Variants in SLIT3 observed in about 807,000 individuals in gnomAD.
SLIT3 encodes slit homolog 3 protein.
In SLIT3, 68 loss-of-function variants were observed where a neutral mutation model predicts 184.0. The observed-to-expected ratio is 0.37, with a 90% CI of 0.30 to 0.45. The LOEUF (loss-of-function observed/expected upper bound fraction) is 0.45. SLIT3 is among the 20% of genes least tolerant of loss of function. SLIT3 has a pLI of 1.00. For synonymous variants in SLIT3, 831 were observed against 828.6 expected (o/e 1.00, Z -0.05); for missense variants, 1,707 against 2,026.0 (o/e 0.84, Z 3.02).
At chr5:168,803,581 G>C (rs1037777337) in intron 9 of SLIT3, among the ~76,000 whole-genome samples, 1 of 152,200 alleles carries the variant, frequency 6.6e-6, no homozygotes, top group African/African-American at 2.4e-5. Flanking sequence ...TGAGAGTATA[G>C]AGATGTGAAG....
At chr5:168,823,953 A>T (rs1757619126) in intron 6 of SLIT3, among the ~76,000 whole-genome samples, 1 of 152,028 alleles carries the variant, frequency 6.6e-6, no homozygotes, top group South Asian at 2.1e-4. Context: ...AGCACATCTA[A>T]TCTTTTTATT....
intron 2 of SLIT3, among the ~76,000 whole-genome samples, chr5:169,250,041 T>C (rs1458845856): frequency 2.0e-5 from 3 of 152,236 alleles, no homozygotes. Context: ...TTTTCTTAGC[T>C]TTCTATAATG....
At chr5:169,272,706 C>G (rs1238263058) in intron 1 of SLIT3, among the ~76,000 whole-genome samples, 1 of 152,182 alleles carries the variant, frequency 6.6e-6, no homozygotes, top group Non-Finnish European at 1.5e-5. Context: ...CAGACTTGAT[C>G]CTGCAGGTCT....
At chr5:168,892,231 A>G (rs1225312403) in intron 4 of SLIT3, among the ~76,000 whole-genome samples, 3 of 152,274 alleles carry the variant, frequency 2.0e-5, no homozygotes, top group African/African-American at 7.2e-5. Flanking sequence ...AGATGTAATC[A>G]ATATAAACAT....
At chr5:169,237,891 C>T (rs569026374) in intron 3 of SLIT3, among the ~76,000 whole-genome samples, 4 of 152,226 alleles carry the variant, frequency 2.6e-5, no homozygotes, top group East Asian at 1.9e-4. Context: ...TGAATCATCT[C>T]GACTTCAATT....
chr5:169,207,909 G>C (rs577313115), intron 3 of SLIT3, among the ~76,000 whole-genome samples: 2 of 152,318 alleles, frequency 1.3e-5, no homozygotes, highest in African/African-American at 4.8e-5. Flanking sequence ...GTCCTCACCA[G>C]ACACCAAGTA....
At chr5:168,828,959 C>T (rs1321894103) in intron 6 of SLIT3, among the ~76,000 whole-genome samples, 3 of 152,126 alleles carry the variant, frequency 2.0e-5, no homozygotes, top group African/African-American at 7.2e-5. Flanking sequence ...GTGGTGTTTC[C>T]CCACTTAGGA....
intron 29 of SLIT3, among the ~76,000 whole-genome samples, chr5:168,687,938 A>G (rs1761796513): frequency 6.6e-6 from 1 of 152,184 alleles, no homozygotes; most frequent in Admixed American, 6.5e-5. Context: ...CCTTCCTAAA[A>G]GAGTGGTGCG....
At chr5:169,254,696 A>G (rs1765890484) in intron 1 of SLIT3, among the ~76,000 whole-genome samples, 1 of 152,118 alleles carries the variant, frequency 6.6e-6, no homozygotes, top group African/African-American at 2.4e-5. Context: ...CCATATGAGA[A>G]AAGCAGATGA....
chr5:168,893,365 C>A (rs900489145), intron 4 of SLIT3, among the ~76,000 whole-genome samples: 4 of 152,154 alleles, frequency 2.6e-5, no homozygotes, highest in Non-Finnish European at 2.9e-5. Context: ...TGGTCCCCAC[C>A]CCCTCTGTCC....
At chr5:168,806,657 C>G in intron 8 of SLIT3, 70 bp from the exon 9 acceptor site, 1 of 1,575,078 alleles carries the variant, frequency 6.3e-7, no homozygotes, top group Non-Finnish European at 8.7e-7. Flanking sequence ...GTGTCCTTAA[C>G]CAGCATCCTA....
intron 4 of SLIT3, among the ~76,000 whole-genome samples, chr5:169,016,757 T>C (rs1383579248): frequency 6.6e-6 from 1 of 152,216 alleles, no homozygotes; most frequent in Admixed American, 6.5e-5. Context: ...ATGGGACAAA[T>C]AATAGTATAG....
intron 4 of SLIT3, among the ~76,000 whole-genome samples, chr5:168,935,940 C>T (rs546975859): frequency 6.6e-6 from 1 of 152,258 alleles, no homozygotes; most frequent in Non-Finnish European, 1.5e-5. Flanking sequence ...ATTTGTCTGG[C>T]AACTGAAAAA....
At chr5:169,042,852 A>C (rs1041308298) in intron 4 of SLIT3, among the ~76,000 whole-genome samples, 4 of 152,194 alleles carry the variant, frequency 2.6e-5, no homozygotes, top group Non-Finnish European at 5.9e-5. Context: ...AGCTATAAAA[A>C]CAAGAAAAAC....
At chr5:169,067,472 T>G (rs1158229684) in intron 4 of SLIT3, among the ~76,000 whole-genome samples, 2 of 152,186 alleles carry the variant, frequency 1.3e-5, no homozygotes, top group African/African-American at 4.8e-5. Context: ...GTGTGGTTCC[T>G]GGGACAATCC....
intron 30 of SLIT3, 138 bp from the exon 31 acceptor site, chr5:168,686,065 G>T: frequency 1.0e-6 from 1 of 980,664 alleles, no homozygotes; most frequent in Non-Finnish European, 1.4e-6. Flanking sequence ...GCTAGTTCCA[G>T]CCCTGCCACT....
chr5:168,756,441 T>C (rs1442659178), intron 16 of SLIT3, among the ~76,000 whole-genome samples: 3 of 152,188 alleles, frequency 2.0e-5, no homozygotes, highest in Non-Finnish European at 4.4e-5. Flanking sequence ...GGTGCCTTGG[T>C]TCCCTCCTTA....
intron 1 of SLIT3, among the ~76,000 whole-genome samples, chr5:169,290,986 GTGTGC>G (rs1300458314): frequency 6.6e-6 from 1 of 152,196 alleles, no homozygotes; most frequent in Non-Finnish European, 1.5e-5. Flanking sequence ...GGGTGGTTAA[GTGTGC>G]TGGCAGACTT....
chr5:168,677,462 T>C (rs1582518504), intron 32 of SLIT3, among the ~76,000 whole-genome samples: 1 of 151,942 alleles, frequency 6.6e-6, no homozygotes, highest in South Asian at 2.1e-4. Flanking sequence ...TTGTTTTTGT[T>C]TTTTGAGATG....
Sources: allele counts gnomAD v4.1 joint callset (sites outside exome capture counted in the v4.1 genomes callset), GRCh38; gene constraint gnomAD v4.1.1; transcripts MANE v1.5; gene names NCBI Gene and HGNC (gene_info 2026-07-23, HGNC 2026-07-21).